The following AIFM3 variants were observed in gnomAD, a reference collection of about 807,000 sequenced individuals.
AIFM3 encodes AIF family member 3.
In AIFM3, 71 loss-of-function variants were observed where a neutral mutation model predicts 82.7. The observed-to-expected ratio is 0.86, with a 90% confidence interval of 0.71 to 1.05. The LOEUF is 1.05. AIFM3 is among the 50% of genes least tolerant of loss of function. The pLI is 0.00. For missense variants in AIFM3, 748 were observed against 816.7 expected (o/e 0.92, Z 1.03); for synonymous variants, 337 against 329.1 (o/e 1.02, Z -0.26).
chr22:20,971,534 G>A (rs1923266947), intron 2 of AIFM3, among the ~76,000 whole-genome samples: 1 of 152,242 alleles, frequency 6.6e-6, no homozygotes, highest in Non-Finnish European at 1.5e-5. Flanking sequence ...TGGGTAGATA[G>A]GAAGGATGGC....
intron 18 of AIFM3, 151 bp from the exon 19 acceptor site, chr22:20,979,869 G>A (rs1923972542): frequency 8.8e-7 from 1 of 1,134,878 alleles, no homozygotes. Context: ...AAGCCGCGAT[G>A]TGCAAAGCAG....
At chr22:20,979,862 C>A in intron 18 of AIFM3, 158 bp from the exon 19 acceptor site, 1 of 1,147,800 alleles carries the variant, frequency 8.7e-7, no homozygotes, top group Non-Finnish European at 1.2e-6. Context: ...CACGGTCAAG[C>A]CGCGATGTGC....
chr22:20,977,916 T>C lies in AIFM3; in HGVS notation c.1388T>C (p.Phe463Ser), dbSNP rs1274946592. ...KMMQTNVPGV[F>S]AAGDAVTFPL... Reference sequence around the variant, plus strand: ...ATGCAGACCAATGTCCCAGGCGTGTTTGCAGCTGGCGATGCTGTCACCTTC... The same window carrying C: ...ATGCAGACCAATGTCCCAGGCGTGTCTGCAGCTGGCGATGCTGTCACCTTC... Residue 463 changes from phenylalanine to serine, a missense_variant, in exon 16 of 21, where the codon TTT becomes TCT. Phe to Ser is a radical substitution (Grantham distance 155). Around this residue, in one of 5 missense-constraint regions of AIFM3, gnomAD observed 393 missense variants for 481.1 expected, o/e 0.82. Coordinates refer to ENST00000440238, the MANE Select transcript of AIFM3 (RefSeq NM_001386814.1). 1 of 1,614,138 alleles carries C rather than the reference T, an allele frequency of 6.2e-7. No individual in the cohort carries two copies. The highest frequency in any genetic ancestry group is 8.5e-7 in the Non-Finnish European group (1 of 1,180,022).
chr22:20,979,114 T>A (rs1012253954), intron 16 of AIFM3, among the ~76,000 whole-genome samples, 157 bp from the exon 17 acceptor site: 1 of 152,134 alleles, frequency 6.6e-6, no homozygotes, highest in African/African-American at 2.4e-5. Context: ...CAGCTGCAGG[T>A]GCAAGTGAGC....
In AIFM3 at chr22:20,980,736, C is replaced by T. The variant is rs1432452635; in HGVS notation, c.1758-11C>T. 1 of 1,614,192 alleles carries T rather than the reference C, an allele frequency of 6.2e-7. No homozygotes were observed. On this transcript the variant is annotated splice_polypyrimidine_tract_variant and intron_variant, in intron 19 of 20. Transcript: ENST00000440238. ...GCCTTCTCTCCGTTTCTCTCTCTTGCCTTCGTGAAGGCTGTTTGTGCTGCA... is the reference window on the plus strand; with the variant it reads ...GCCTTCTCTCCGTTTCTCTCTCTTGTCTTCGTGAAGGCTGTTTGTGCTGCA...
At chr22:20,980,844 C>T in intron 20 of AIFM3, 77 bp downstream of exon 20, 1 of 1,611,628 alleles carries the variant, frequency 6.2e-7, no homozygotes, top group Non-Finnish European at 8.5e-7. Flanking sequence ...GGTCTTATCT[C>T]CCTCTGTCCA....
intron 9 of AIFM3, 137 bp from the exon 10 acceptor site, chr22:20,976,078 C>G (rs938006696): frequency 2.1e-6 from 2 of 960,894 alleles, no homozygotes; most frequent in African/African-American, 3.3e-5. Context: ...AAGAATGAAG[C>G]CCAGGTGGCA....
At chr22:20,973,663 C>A in intron 3 of AIFM3, 95 bp from the exon 4 acceptor site, 1 of 1,411,444 alleles carries the variant, frequency 7.1e-7, no homozygotes, top group South Asian at 1.4e-5. Flanking sequence ...TTCTACCGGT[C>A]TGGGCCTGCT....
chr22:20,976,723 T>C lies in AIFM3; in HGVS notation c.1103T>C (p.Phe368Ser), dbSNP rs371098629. 6.2e-7 allele frequency: 1 copy of C among 1,609,968 alleles called. No individual in the cohort carries two copies. Among genetic ancestry groups the C allele is most frequent in the South Asian group, 1.1e-5 (1 of 90,626 alleles). Residue 368 changes from phenylalanine to serine, a missense_variant, in exon 12 of 21, where the codon TTC becomes TCC. Around this residue, in one of 5 missense-constraint regions of AIFM3, gnomAD observed 393 missense variants for 481.1 expected, o/e 0.82. Transcript: ENST00000440238. ...GTGGTGGAGCTGGAGGAGACGCCCT[T>C]CAGGAGGTTCCTGGGGGAGCGCGTG... Reference protein sequence around the residue: ...VSVVELEETPFRRFLGERVGR... With the variant: ...VSVVELEETPSRRFLGERVGR...
Position 20,977,050 on chromosome 22 carries a change from A to T in AIFM3, c.1237A>T (p.Lys413Ter), listed in dbSNP as rs1875171322. ...QEGKLKEVVL[K>*]SSKVVRADVC... is the part of the protein sequence containing the mutation. ...CCCACAGCTGAAGGAGGTTGTGCTG[A>T]AGAGCAGCAAGGTCGTGCGGGCTGA... is the stretch of plus-strand genomic sequence containing the variant. Residue 413 changes from lysine (K) to a stop codon, truncating the protein, a stop_gained, in exon 14 of 21, where the codon AAG (lysine) becomes TAG (stop). Coordinates refer to ENST00000440238, the MANE Select transcript of AIFM3 (RefSeq NM_001386814.1). LOFTEE classifies it high-confidence loss of function. The T allele has an allele frequency of 2.5e-6, 4 of 1,614,188 alleles. No homozygotes were observed. The highest frequency in any genetic ancestry group is 3.4e-6 in the Non-Finnish European group (4 of 1,180,024).
At chr22:20,969,284 G>A (rs554395255) in intron 2 of AIFM3, among the ~76,000 whole-genome samples, 1 of 152,346 alleles carries the variant, frequency 6.6e-6, no homozygotes, top group East Asian at 1.9e-4. Context: ...ACCAAAGGCA[G>A]TCCTAAGAAC....
At chr22:20,966,701 T>A (rs1299685011), upstream of AIFM3, 3 of 152,294 alleles carry the variant, frequency 2.0e-5, no homozygotes, top group East Asian at 5.8e-4. Context: ...AGGCTGCATC[T>A]TCCGGAAGGC....
intron 2 of AIFM3, among the ~76,000 whole-genome samples, chr22:20,970,719 T>C (rs1018699549): frequency 1.3e-5 from 2 of 152,126 alleles, no homozygotes; most frequent in Admixed American, 1.3e-4. Flanking sequence ...CCTCGGCCTC[T>C]CAAAGTGCTG....
rs1462382452 is a variant in AIFM3 at position 20,980,096 on chromosome 22, G to A, written c.1729G>A (p.Gly577Ser). The change falls in exon 19 of 21, where the codon GGC becomes AGC. Residue 577 changes from glycine (G) to serine (S), a missense_variant. By Grantham distance (56) the Gly-to-Ser change is moderately conservative. Coordinates refer to ENST00000440238, the MANE Select transcript of AIFM3 (RefSeq NM_001386814.1). ...VSKVAEVLAS[G>S]RAIRKREVEL... Reference sequence around the variant, plus strand: ...CAAGGTCGCTGAGGTGCTGGCCTCAGGCCGTGCCATCCGGAAGCGGGAGGT... The same window carrying A: ...CAAGGTCGCTGAGGTGCTGGCCTCAAGCCGTGCCATCCGGAAGCGGGAGGT... 2 of 1,609,840 alleles carry A rather than the reference G, an allele frequency of 1.2e-6. No individual in the cohort carries two copies. Among genetic ancestry groups the A allele is most frequent in the Non-Finnish European group, 1.7e-6 (2 of 1,179,992 alleles).
intron 17 of AIFM3, 112 bp downstream of exon 17, chr22:20,979,481 G>C: frequency 6.8e-7 from 1 of 1,472,074 alleles, no homozygotes; most frequent in Non-Finnish European, 9.4e-7. Flanking sequence ...CTAGGAAGAG[G>C]CCGGTAAGAA....
Position 20,981,273 on chromosome 22 carries a change from C to T in AIFM3, c.*242C>T, listed in dbSNP as rs562185414. On this transcript the variant is annotated 3_prime_UTR_variant, in exon 21 of 21. Coordinates refer to ENST00000440238, the MANE Select transcript of AIFM3 (RefSeq NM_001386814.1). ...ACTGGAGGCAGGACAAGCCCTGCCT[C>T]TTCTCCCTCTATTGGGACTGGTCCC... 1.7e-6 allele frequency: 1 copy of T among 572,430 alleles called. No individual in the cohort carries two copies. Among genetic ancestry groups the T allele is most frequent in the East Asian group, 3.0e-5 (1 of 33,762 alleles). The allele number at this position is 572,430 out of a possible 1,614,324, so 35.5% of individuals were successfully genotyped here.
chr22:20,967,873 G>A lies in AIFM3; in HGVS notation c.-72G>A. The A allele has an allele frequency of 1.3e-6, 2 of 1,569,828 alleles. No individual in the cohort carries two copies. The highest frequency in any genetic ancestry group is 4.5e-5 in the East Asian group (2 of 44,626). ...AGGCCTGCAGGGGGTCCAGCCCCAT[G>A]GGGGGCGCCCTAGGCCTCCGACAGC... is the stretch of plus-strand genomic sequence containing the variant. On this transcript the variant is annotated 5_prime_UTR_variant, in exon 2 of 21. The change abolishes an upstream ATG in the 5' untranslated region. Coordinates refer to ENST00000440238, the MANE Select transcript of AIFM3 (RefSeq NM_001386814.1).
At chr22:20,976,376 A>T (rs1455586893) in intron 10 of AIFM3, 32 bp from the exon 11 acceptor site, 1 of 1,613,764 alleles carries the variant, frequency 6.2e-7, no homozygotes. Flanking sequence ...TGGGGCTGCC[A>T]GGAGGCCCTC....
At chr22:20,971,803 T>C (rs1383037288) in intron 2 of AIFM3, among the ~76,000 whole-genome samples, 1 of 152,218 alleles carries the variant, frequency 6.6e-6, no homozygotes, top group East Asian at 1.9e-4. Flanking sequence ...CTGCTAAAAA[T>C]TCTGTTTATT....
Sources: allele counts gnomAD v4.1 joint callset (sites outside exome capture counted in the v4.1 genomes callset), GRCh38; gene constraint gnomAD v4.1.1; regional missense constraint gnomAD v4.1.1; transcripts MANE v1.5; gene names NCBI Gene and HGNC (gene_info 2026-07-23, HGNC 2026-07-21).